NKAIN2: variants seen among roughly 807,000 people sequenced by gnomAD.
The protein encoded by NKAIN2 is sodium/potassium transporting ATPase interacting 2.
Under a neutral mutation model 32.6 loss-of-function variants are expected in NKAIN2, and 14 were observed. That is an observed-to-expected ratio of 0.43 (90% CI 0.28 to 0.67). The LOEUF (loss-of-function observed/expected upper bound fraction) is 0.67, where lower values mean the gene tolerates loss of function less well. Among genes scored for constraint, NKAIN2 ranks in the 30% least tolerant of loss-of-function variants. The pLI is 0.17. For synonymous variants in NKAIN2, 80 were observed against 87.2 expected, an observed-to-expected ratio of 0.92 and a Z score of 0.46; for missense variants, 198 against 258.3, an observed-to-expected ratio of 0.77 and a Z score of 1.60.
At chr6:124,119,491 A>G (rs1171445607) in intron 1 of NKAIN2, among the ~76,000 whole-genome samples, 1 of 152,184 alleles carries the variant, frequency 6.6e-6, no homozygotes, top group Non-Finnish European at 1.5e-5. Context: ...TAGCCATTGG[A>G]TGAATGATTG....
chr6:124,700,249 A>G (rs966213389), intron 4 of NKAIN2, among the ~76,000 whole-genome samples: 4 of 152,214 alleles, frequency 2.6e-5, no homozygotes, highest in African/African-American at 9.6e-5. Flanking sequence ...ACAAGGGAAA[A>G]TAACTCATGC....
At chr6:123,930,829 G>C (rs939511283) in intron 1 of NKAIN2, among the ~76,000 whole-genome samples, 3 of 152,052 alleles carry the variant, frequency 2.0e-5, no homozygotes, top group Non-Finnish European at 2.9e-5. Flanking sequence ...GGCACAGGTA[G>C]GACTAAATGA....
At chr6:124,745,584 CCTTT>C (rs1208914030) in intron 4 of NKAIN2, among the ~76,000 whole-genome samples, 1 of 151,724 alleles carries the variant, frequency 6.6e-6, no homozygotes, top group Non-Finnish European at 1.5e-5. Flanking sequence ...TTTTACATGG[CCTTT>C]CTTTTAAATA....
chr6:123,914,847 T>C (rs993353111), intron 1 of NKAIN2, among the ~76,000 whole-genome samples: 4 of 152,158 alleles, frequency 2.6e-5, no homozygotes, highest in African/African-American at 9.6e-5. Flanking sequence ...CCTGTGGAAT[T>C]GCTCTGACTT....
At chr6:124,283,807 T>C (rs552559386) in intron 2 of NKAIN2, among the ~76,000 whole-genome samples, 1 of 152,310 alleles carries the variant, frequency 6.6e-6, no homozygotes, top group East Asian at 1.9e-4. Context: ...TTCATTAATG[T>C]ACATTTTTTT....
intron 3 of NKAIN2, among the ~76,000 whole-genome samples, chr6:124,595,717 G>A (rs1265818135): frequency 6.6e-6 from 1 of 152,074 alleles, no homozygotes; most frequent in Non-Finnish European, 1.5e-5. Flanking sequence ...CCCTCTTTTT[G>A]GTAATAGAAC....
At chr6:124,602,928 C>T (rs187823066) in intron 3 of NKAIN2, among the ~76,000 whole-genome samples, 5 of 151,962 alleles carry the variant, frequency 3.3e-5, no homozygotes, top group Middle Eastern at 3.4e-3. Context: ...ACCTGGCCAC[C>T]TAAACAGAAT....
chr6:124,272,244 G>T (rs1299491750), intron 1 of NKAIN2, among the ~76,000 whole-genome samples: 1 of 152,204 alleles, frequency 6.6e-6, no homozygotes, highest in Non-Finnish European at 1.5e-5. Flanking sequence ...AGGCCCAGAG[G>T]CCTAGGAGGA....
intron 1 of NKAIN2, among the ~76,000 whole-genome samples, chr6:124,251,780 A>C (rs1031166840): frequency 6.6e-6 from 1 of 152,026 alleles, no homozygotes; most frequent in Admixed American, 6.6e-5. Context: ...AGGAATTCAA[A>C]TTGATAGAAC....
chr6:123,993,001 C>T (rs1779476168), intron 1 of NKAIN2, among the ~76,000 whole-genome samples: 1 of 151,570 alleles, frequency 6.6e-6, no homozygotes, highest in South Asian at 2.1e-4. Flanking sequence ...TTGTATAAAC[C>T]CTCTAAACCT....
At chr6:124,534,821 GT>G (rs1175352357) in intron 3 of NKAIN2, among the ~76,000 whole-genome samples, 14 of 152,082 alleles carry the variant, frequency 9.2e-5, no homozygotes, top group Admixed American at 9.2e-4. Flanking sequence ...CATAAGGTCT[GT>G]TTTTAAATTT....
intron 1 of NKAIN2, among the ~76,000 whole-genome samples, chr6:124,105,407 T>G (rs768048649): frequency 1.9e-4 from 29 of 152,098 alleles, no homozygotes; most frequent in Non-Finnish European, 2.9e-4. Flanking sequence ...AGTTTTTGTA[T>G]TAATGGTGGT....
At chr6:124,476,359 A>G (rs1435487424) in intron 3 of NKAIN2, among the ~76,000 whole-genome samples, 2 of 137,996 alleles carry the variant, frequency 1.4e-5, no homozygotes, top group African/African-American at 5.4e-5. Flanking sequence ...AATCAATCAA[A>G]CCTGTTTCTT....
intron 3 of NKAIN2, among the ~76,000 whole-genome samples, chr6:124,463,938 A>G (rs1470403310): frequency 6.6e-6 from 1 of 152,096 alleles, no homozygotes; most frequent in Admixed American, 6.6e-5. Context: ...CTCTAAAGAT[A>G]GTAAGGTTGG....
intron 1 of NKAIN2, among the ~76,000 whole-genome samples, chr6:124,252,215 C>A (rs1425781083): frequency 6.6e-6 from 1 of 151,848 alleles, no homozygotes; most frequent in East Asian, 1.9e-4. Context: ...TAAATAAATG[C>A]CATATGCATC....
intron 1 of NKAIN2, among the ~76,000 whole-genome samples, chr6:124,070,268 G>T (rs905870094): frequency 6.6e-6 from 1 of 152,098 alleles, no homozygotes; most frequent in African/African-American, 2.4e-5. Flanking sequence ...CCAGACTGTC[G>T]CCTCTATTCT....
At chr6:123,854,378 T>C (rs1411359263) in intron 1 of NKAIN2, among the ~76,000 whole-genome samples, 1 of 152,118 alleles carries the variant, frequency 6.6e-6, no homozygotes, top group Non-Finnish European at 1.5e-5. Context: ...TTTTAGAACA[T>C]ATGCTGCATG....
Position 124,823,285 on chromosome 6 carries a change from T to C in NKAIN2, c.*56T>C. On this transcript the variant is annotated 3_prime_UTR_variant, in exon 7 of 7. Coordinates refer to ENST00000368417, the MANE Select transcript of NKAIN2 (RefSeq NM_001040214.3). ...ACCTTTCAAAGAACTTTTTTCGCAGTGGCCTCCTGCATTTCATGAAGAGCA... is the reference window on the plus strand; with the variant it reads ...ACCTTTCAAAGAACTTTTTTCGCAGCGGCCTCCTGCATTTCATGAAGAGCA... 6.5e-6 allele frequency: 8 copies of C among 1,230,160 alleles called. No homozygotes were observed. The highest frequency in any genetic ancestry group is 9.7e-6 in the Non-Finnish European group (8 of 828,138). 76.2% of individuals were successfully genotyped at this position (1,230,160 alleles called of 1,614,324 possible).
intron 1 of NKAIN2, among the ~76,000 whole-genome samples, chr6:123,869,718 C>T (rs999097373): frequency 1.3e-5 from 2 of 152,054 alleles, no homozygotes; most frequent in African/African-American, 2.4e-5. Flanking sequence ...TGAAACTCTC[C>T]CAACAAAGAT....
Sources: gnomAD v4.1 joint callset for allele counts (sites outside exome capture counted in the v4.1 genomes callset) on GRCh38, gnomAD v4.1.1 for gene constraint, MANE v1.5 for transcripts, NCBI Gene and HGNC (gene_info 2026-07-23, HGNC 2026-07-21) for gene names.